DCTN1: variants seen among roughly 807,000 people sequenced by gnomAD.
DCTN1 encodes the protein dynactin subunit 1, also known as 150 kDa dynein-associated polypeptide.
Under a neutral mutation model 161.2 loss-of-function variants are expected in DCTN1, and 61 were observed. The ratio of observed to expected loss-of-function variants is 0.38; its 90% confidence interval spans 0.31 to 0.47. DCTN1 has a LOEUF of 0.47. DCTN1 is among the 20% of genes least tolerant of loss of function. The pLI, the probability that DCTN1 is intolerant of heterozygous loss-of-function variation, is 0.99. For missense variants in DCTN1, 1,404 were observed against 1,623.7 expected (o/e 0.86, Z 2.33); for synonymous variants, 653 against 632.4 (o/e 1.03, Z -0.49).
At position 74,370,211 on chromosome 2, in the gene DCTN1, C is replaced by T. The variant is rs1674733608; in HGVS notation, c.1262G>A (p.Ser421Asn). 7 of 1,613,960 alleles carry T rather than the reference C, an allele frequency of 4.3e-6. No individual in the cohort carries two copies. The highest frequency in any genetic ancestry group is 1.6e-4 in the Middle Eastern group (1 of 6,062). ...RLQEELSQAESTIDELKEQVD... is the reference protein window; with the variant it reads ...RLQEELSQAENTIDELKEQVD... ...CTGCTCCTTGAGCTCATCAATGGTGCTCTCTGCCTGGCTTAGCTCCTCCTG... is the reference window on the plus strand; with the variant it reads ...CTGCTCCTTGAGCTCATCAATGGTGTTCTCTGCCTGGCTTAGCTCCTCCTG... Residue 421 changes from serine to asparagine, a missense_variant, in exon 12 of 32, where the codon AGC becomes AAC. Ser to Asn is a conservative substitution (Grantham distance 46). This residue lies in a region of DCTN1 where 278 missense variants were observed against 363.8 expected (regional missense o/e 0.76). Coordinates refer to ENST00000628224, the MANE Select transcript of DCTN1 (RefSeq NM_004082.5). This position sits in a 1 kb window ranked among gnomAD's most constrained non-coding sequence, Gnocchi z 4.4.
In DCTN1 at chr2:74,371,185, G is replaced by C. The variant is rs771722291; in HGVS notation, c.646-9C>G. The C allele has an allele frequency of 6.2e-7, 1 of 1,612,922 alleles. No individual in the cohort carries two copies. Among genetic ancestry groups the C allele is most frequent in the South Asian group, 1.1e-5 (1 of 91,072 alleles). Reference sequence around the variant, plus strand: ...CTTAGTCCCTCCTCCTCCTGCAAAGGAGAGGCCTCACGGTCTGTGCACAGC... The same window carrying C: ...CTTAGTCCCTCCTCCTCCTGCAAAGCAGAGGCCTCACGGTCTGTGCACAGC... On this transcript the variant is annotated splice_polypyrimidine_tract_variant and intron_variant, in intron 8 of 31. Transcript: ENST00000628224.
chr2:74,377,003 T>C (rs1181470279), intron 4 of DCTN1, among the ~76,000 whole-genome samples: 3 of 152,206 alleles, frequency 2.0e-5, no homozygotes, highest in Non-Finnish European at 4.4e-5. Flanking sequence ...AAGCACTCTC[T>C]GCATCCAGCT....
intron 2 of DCTN1, 107 bp downstream of exon 2, chr2:74,377,893 A>G (rs1017044313): frequency 4.2e-5 from 65 of 1,540,698 alleles, no homozygotes; most frequent in Non-Finnish European, 5.5e-5. Context: ...CACTCTCCCA[A>G]CCAGAGGCTT....
chr2:74,389,766 G>A (rs1319582980), intron 1 of DCTN1, among the ~76,000 whole-genome samples: 6 of 152,134 alleles, frequency 3.9e-5, no homozygotes, highest in African/African-American at 1.2e-4. Flanking sequence ...TGCCTACCTC[G>A]TAGGAATATT....
At chr2:74,384,419 C>A (rs1011558391), upstream of DCTN1, among the ~76,000 whole-genome samples, 1 of 152,188 alleles carries the variant, frequency 6.6e-6, no homozygotes, top group Non-Finnish European at 1.5e-5. Context: ...TTAATGTTAC[C>A]CCAGCCAGGG....
Position 74,386,436 on chromosome 2 carries a change from T to G in DCTN1, c.-19+5358A>C, listed in dbSNP as rs567045810. The G allele has an allele frequency of 3.9e-5, 6 of 152,346 alleles. 1 individual carries two copies. The East Asian group carries it at 1.2e-3, about 29-fold the overall frequency. The allele number at this position is 152,346 out of a possible 1,614,324, so 9.4% of individuals were successfully genotyped here. ...AATGCCTGAAAAGCACTTAGAACAG[T>G]GCCTTGTATAAAGCACTCAATAAAT... is the stretch of plus-strand genomic sequence containing the variant. On this transcript the variant is annotated intron_variant, in intron 1 of 27. Transcript: ENST00000409240.
At chr2:74,372,143 C>T (rs922764023) in intron 7 of DCTN1, 1 of 235,934 alleles carries the variant, frequency 4.2e-6, no homozygotes, top group African/African-American at 2.3e-5. Flanking sequence ...CCCATCCTTG[C>T]TCCAGGTCTA....
At chr2:74,390,586 A>G (rs545806066) in intron 1 of DCTN1, 66 of 452,030 alleles carry the variant, frequency 1.5e-4, no homozygotes, top group Middle Eastern at 3.3e-4. Flanking sequence ...CTCCTACCTT[A>G]TAGGCCTGGA....
chr2:74,363,395 G>A lies in DCTN1; in HGVS notation c.3244C>T (p.Pro1082Ser). Residue 1082 changes from proline (P) to serine (S), a missense_variant, in exon 28 of 32, where the codon CCA (proline) becomes TCA (serine). Coordinates refer to ENST00000628224, the MANE Select transcript of DCTN1 (RefSeq NM_004082.5). ...GAGTCCTTCACCAGCCCTGGGCCTG[G>A]CACAGACCCTGGAGCCTGCCCAGGG... ...AIPGQAPGSV[P>S]GPGLVKDSPL... The A allele has an allele frequency of 6.2e-7, 1 of 1,612,394 alleles. No individual in the cohort carries two copies. The highest frequency in any genetic ancestry group is 8.5e-7 in the Non-Finnish European group (1 of 1,179,534).
At chr2:74,390,986 G>C (rs969574087) in intron 1 of DCTN1, among the ~76,000 whole-genome samples, 4 of 152,142 alleles carry the variant, frequency 2.6e-5, no homozygotes, top group African/African-American at 4.8e-5. Context: ...AATATTATTA[G>C]CATATTAAAG....
At chr2:74,365,868 G>T (rs751743289) in intron 24 of DCTN1, 25 bp downstream of exon 24, 1 of 1,613,906 alleles carries the variant, frequency 6.2e-7, no homozygotes, top group African/African-American at 1.3e-5. Flanking sequence ...CTGGCCCCCA[G>T]ATCCTGAGCC....
chr2:74,364,573 G>A, intron 26 of DCTN1: 1 of 242,964 alleles, frequency 4.1e-6, no homozygotes, highest in South Asian at 5.8e-5. Context: ...ACTAGACAAA[G>A]GTCAAAACAC....
intron 1 of DCTN1, among the ~76,000 whole-genome samples, chr2:74,386,391 T>G (rs963787461): frequency 6.6e-6 from 1 of 152,214 alleles, no homozygotes; most frequent in Non-Finnish European, 1.5e-5. Flanking sequence ...CTAACAGGAT[T>G]GTTGTAAAAA....
In DCTN1 at chr2:74,369,455, T is replaced by G. The variant is rs1459779632; in HGVS notation, c.1429A>C (p.Asn477His). The G allele has an allele frequency of 1.2e-6, 2 of 1,614,056 alleles. No homozygotes were observed. Among genetic ancestry groups the G allele is most frequent in the Non-Finnish European group, 1.7e-6 (2 of 1,180,014 alleles). ...AGCTCCAGTTCTGTCTCACGTGCATTCTCCTGCAGCTCATCGTTCATCTCA... is the reference window on the plus strand; with the variant it reads ...AGCTCCAGTTCTGTCTCACGTGCATGCTCCTGCAGCTCATCGTTCATCTCA... ...MNEMNDELQE[N>H]ARETELELRE... Residue 477 changes from asparagine to histidine, a missense_variant, in exon 14 of 32, where the codon AAT becomes CAT. Coordinates refer to ENST00000628224, the MANE Select transcript of DCTN1 (RefSeq NM_004082.5). The surrounding 1 kb of genome is among the most constrained non-coding windows in gnomAD (Gnocchi z 4.9).
chr2:74,390,649 C>CT (rs1675951815), intron 1 of DCTN1: 3 of 467,458 alleles, frequency 6.4e-6, no homozygotes, highest in Admixed American at 2.4e-5. Flanking sequence ...AACATGGTCT[C>CT]TAACTTTCAA....
In DCTN1 at chr2:74,367,399, C is replaced by T. The variant is rs547710094; in HGVS notation, c.2206G>A (p.Ala736Thr). The T allele has an allele frequency of 2.3e-5, 37 of 1,614,120 alleles. No individual in the cohort carries two copies. The South Asian group carries it at 3.6e-4, about 16-fold the overall frequency. The stretch of plus-strand genomic sequence containing the variant: ...ATAGTACAGTCCTCAGGCTGTTCGG[C>T]AAGGTGGATGCTGTACAGATGCTGA... ...YYQHLYSIHLAEQPEDCTMQL... is the reference protein window; with the variant it reads ...YYQHLYSIHLTEQPEDCTMQL... Residue 736 changes from alanine to threonine, a missense_variant, in exon 19 of 32, where the codon GCC (alanine) becomes ACC (threonine). This residue lies in a region of DCTN1 where 475 missense variants were observed against 489.8 expected (regional missense o/e 0.97). Transcript: ENST00000628224.
intron 4 of DCTN1, 70 bp downstream of exon 4, chr2:74,377,362 A>G: frequency 7.3e-7 from 1 of 1,371,954 alleles, no homozygotes; most frequent in Non-Finnish European, 1.0e-6. Context: ...CCTGCCTAGC[A>G]CTGGGTATCC....
chr2:74,390,796 T>C (rs1667626379), intron 1 of DCTN1: 1 of 234,216 alleles, frequency 4.3e-6, no homozygotes, highest in East Asian at 9.4e-5. Context: ...TGCACGCCAT[T>C]AAAACTCAAA....
Position 74,370,244 on chromosome 2 carries a change from T to C in DCTN1, c.1229A>G (p.Glu410Gly). Residue 410 changes from glutamate (E) to glycine (G), a missense_variant, in exon 12 of 32, where the codon GAG becomes GGG. Physicochemically the swap from Glu to Gly is moderately conservative, Grantham distance 98. Around this residue, in one of 9 missense-constraint regions of DCTN1, gnomAD observed 278 missense variants for 363.8 expected, o/e 0.76. Transcript: ENST00000628224. This position sits in a 1 kb window ranked among gnomAD's most constrained non-coding sequence, Gnocchi z 4.4. ...QELEVVRQQRERLQEELSQAE... is the reference protein window; with the variant it reads ...QELEVVRQQRGRLQEELSQAE... ...CTGGCTTAGCTCCTCCTGCAGACGC[T>C]CCCGCTGTTGCCTCACAACTTCCAG... 7.4e-6 allele frequency: 12 copies of C among 1,614,062 alleles called. No individual in the cohort carries two copies. The highest frequency in any genetic ancestry group is 1.0e-5 in the Non-Finnish European group (12 of 1,180,042).
Sources: gnomAD v4.1 joint callset for allele counts (sites outside exome capture counted in the v4.1 genomes callset) on GRCh38, gnomAD v4.1.1 for gene constraint, gnomAD v4.1.1 regional missense constraint, Gnocchi (gnomAD v3.1) non-coding constraint, MANE v1.5 for transcripts, NCBI Gene and HGNC (gene_info 2026-07-23, HGNC 2026-07-21) for gene names.